Variants in LRRC4C observed in about 807,000 individuals in gnomAD.
LRRC4C encodes the protein leucine-rich repeat-containing protein 4C.
In LRRC4C, 5 loss-of-function variants were observed where a neutral mutation model predicts 33.6. The ratio of observed to expected loss-of-function variants is 0.15; its 90% CI spans 0.08 to 0.31. The LOEUF (loss-of-function observed/expected upper bound fraction) is 0.31, where lower values mean the gene tolerates loss of function less well. Among genes scored for constraint, LRRC4C ranks in the 10% least tolerant of loss-of-function variants. LRRC4C has a pLI of 1.00. For missense variants in LRRC4C, 560 were observed against 796.7 expected, an observed-to-expected ratio of 0.70 and a Z score of 3.58; for synonymous variants, 329 against 302.0, an observed-to-expected ratio of 1.09 and a Z score of -0.93.
chr11:40,901,903 C>T (rs556194470), intron 2 of LRRC4C, among the ~76,000 whole-genome samples: 1 of 151,950 alleles, frequency 6.6e-6, no homozygotes, highest in Non-Finnish European at 1.5e-5. Context: ...TTACCACTCT[C>T]ACTGAAACAG....
At chr11:41,235,303 C>T (rs1947971081) in intron 1 of LRRC4C, among the ~76,000 whole-genome samples, 1 of 151,906 alleles carries the variant, frequency 6.6e-6, no homozygotes, top group Admixed American at 6.6e-5. Context: ...ATTGACTTAC[C>T]TACTCTCACT....
Position 41,081,682 on chromosome 11 carries a change from C to T in LRRC4C, c.-495-147959G>A, listed in dbSNP as rs77565347. 8.7e-3 allele frequency among the ~76,000 whole-genome samples: 1,323 copies of T among 152,034 alleles called. 56 individuals are homozygous for T. The East Asian group carries it at 0.1, about 12-fold the overall frequency. On this transcript the variant is annotated intron_variant, in intron 1 of 6. Transcript: ENST00000528697. ...TTTCTTAAAGTTGCATTTACTATTC[C>T]TACGCAGAATAAACAAAAAAATATA... is the stretch of plus-strand genomic sequence containing the variant.
chr11:41,269,456 C>T (rs547192559), intron 1 of LRRC4C, among the ~76,000 whole-genome samples: 2 of 151,884 alleles, frequency 1.3e-5, no homozygotes, highest in Non-Finnish European at 2.9e-5. Context: ...GAGAAGGGAC[C>T]AGTTTATTAA....
intron 3 of LRRC4C, among the ~76,000 whole-genome samples, chr11:40,441,363 G>A (rs1951384769): frequency 1.3e-5 from 2 of 152,194 alleles, no homozygotes; most frequent in East Asian, 1.9e-4. Flanking sequence ...TCAACCCAGA[G>A]AAGAGTAGAT....
At position 40,678,692 on chromosome 11, in the gene LRRC4C, G is replaced by A. The variant is rs191959849; in HGVS notation, c.-406-30414C>T. Reference sequence around the variant, plus strand: ...CCCCTGCACAAGTTCTTTGCCCGCCGCCACGTAAGACGTCCCTTTGCTCTT... The same window carrying A: ...CCCCTGCACAAGTTCTTTGCCCGCCACCACGTAAGACGTCCCTTTGCTCTT... On this transcript the variant is annotated intron_variant, in intron 2 of 6. Coordinates refer to ENST00000528697, the MANE Select transcript of LRRC4C (RefSeq NM_001258419.2). 1.2e-3 allele frequency among the ~76,000 whole-genome samples: 179 copies of A among 152,110 alleles called. 1 individual carries two copies. In the South Asian group the frequency reaches 0.015, roughly 13 times the overall value.
intron 1 of LRRC4C, among the ~76,000 whole-genome samples, chr11:41,057,864 G>C (rs1858745739): frequency 6.6e-6 from 1 of 152,142 alleles, no homozygotes; most frequent in Non-Finnish European, 1.5e-5. Context: ...AGGATGAATT[G>C]TGTAGCCGAG....
At chr11:40,466,277 G>A (rs1328436650) in intron 3 of LRRC4C, among the ~76,000 whole-genome samples, 1 of 151,962 alleles carries the variant, frequency 6.6e-6, no homozygotes, top group Non-Finnish European at 1.5e-5. Flanking sequence ...GGGAGAATGG[G>A]GGGAGAGTGA....
intron 1 of LRRC4C, among the ~76,000 whole-genome samples, chr11:41,062,014 T>C (rs1937810071): frequency 6.6e-6 from 1 of 152,214 alleles, no homozygotes; most frequent in Non-Finnish European, 1.5e-5. Context: ...CTCTTGGTCC[T>C]TTACACTGCT....
intron 2 of LRRC4C, among the ~76,000 whole-genome samples, chr11:40,902,758 C>T (rs1221457651): frequency 6.6e-6 from 1 of 152,146 alleles, no homozygotes; most frequent in Non-Finnish European, 1.5e-5. Flanking sequence ...TAAGTATAGC[C>T]TAACCCATAC....
At chr11:40,798,867 C>G (rs552064140) in intron 2 of LRRC4C, among the ~76,000 whole-genome samples, 1 of 152,106 alleles carries the variant, frequency 6.6e-6, no homozygotes, top group African/African-American at 2.4e-5. Context: ...TGTTCTTAAA[C>G]TCCTGACCTC....
chr11:41,136,836 G>A (rs1943284338), intron 1 of LRRC4C, among the ~76,000 whole-genome samples: 1 of 152,128 alleles, frequency 6.6e-6, no homozygotes, highest in Admixed American at 6.6e-5. Context: ...AGGAATTGTT[G>A]CTGCTTCAAT....
At chr11:40,848,634 G>C (rs1953321095) in intron 2 of LRRC4C, among the ~76,000 whole-genome samples, 1 of 152,184 alleles carries the variant, frequency 6.6e-6, no homozygotes, top group South Asian at 2.1e-4. Flanking sequence ...ATTTGGGGTG[G>C]AGAGTTCTGT....
intron 3 of LRRC4C, among the ~76,000 whole-genome samples, chr11:40,473,900 G>A (rs1394593670): frequency 1.3e-5 from 2 of 152,140 alleles, no homozygotes; most frequent in Non-Finnish European, 2.9e-5. Context: ...TAGAAGGGAT[G>A]TGAAGAAACT....
At chr11:40,836,765 C>G (rs998631656) in intron 2 of LRRC4C, among the ~76,000 whole-genome samples, 1 of 152,130 alleles carries the variant, frequency 6.6e-6, no homozygotes, top group African/African-American at 2.4e-5. Context: ...TCTAAAAAAT[C>G]ACCTATCTCA....
intron 3 of LRRC4C, among the ~76,000 whole-genome samples, chr11:40,429,370 G>A (rs564929182): frequency 2.6e-5 from 4 of 152,136 alleles, no homozygotes; most frequent in Admixed American, 1.3e-4. Context: ...CACTGCGCCT[G>A]GCCCTGATGA....
At chr11:41,133,326 A>G (rs552245745) in intron 1 of LRRC4C, among the ~76,000 whole-genome samples, 2 of 152,150 alleles carry the variant, frequency 1.3e-5, no homozygotes, top group African/African-American at 2.4e-5. Flanking sequence ...CTCCAAAGAG[A>G]GTAGAAAATA....
chr11:40,318,087 TAATC>T (rs1234257086), intron 4 of LRRC4C, among the ~76,000 whole-genome samples: 3 of 152,156 alleles, frequency 2.0e-5, no homozygotes, highest in Non-Finnish European at 4.4e-5. Flanking sequence ...ACATTGATAA[TAATC>T]AATTTCCAAA....
chr11:40,581,674 C>T (rs774753405), intron 3 of LRRC4C, among the ~76,000 whole-genome samples: 29 of 152,040 alleles, frequency 1.9e-4, no homozygotes, highest in Non-Finnish European at 3.2e-4. Context: ...TAGGCCGAGG[C>T]GGGCAAATCA....
chr11:40,412,947 T>G (rs1950204263), intron 3 of LRRC4C, among the ~76,000 whole-genome samples: 1 of 152,100 alleles, frequency 6.6e-6, no homozygotes, highest in African/African-American at 2.4e-5. Context: ...AGAAAAGAAC[T>G]TCAGTTTCTA....
Sources: gnomAD v4.1 joint callset for allele counts (sites outside exome capture counted in the v4.1 genomes callset) on GRCh38, gnomAD v4.1.1 for gene constraint, MANE v1.5 for transcripts, NCBI Gene and HGNC (gene_info 2026-07-23, HGNC 2026-07-21) for gene names.